Variants in NBAS observed in about 807,000 individuals in gnomAD.
NBAS encodes NAG/BC035112 fusion.
In NBAS, 219 loss-of-function variants were observed where a neutral mutation model predicts 302.5. The observed-to-expected ratio is 0.72, with a 90% CI of 0.65 to 0.81. The LOEUF (loss-of-function observed/expected upper bound fraction) is 0.81, where lower values mean the gene tolerates loss of function less well. Among genes scored for constraint, NBAS ranks in the 30% least tolerant of loss-of-function variants. The probability of loss-of-function intolerance (pLI) is 0.00; values close to 1 mark genes in which losing one functional copy is unlikely to be tolerated. For missense variants in NBAS, 2,932 were observed against 2,841.6 expected, an observed-to-expected ratio of 1.03 and a Z score of -0.72; for synonymous variants, 1,118 against 1,021.6, an observed-to-expected ratio of 1.09 and a Z score of -1.80.
At chr2:15,262,750 G>A (rs994872629) in intron 44 of NBAS, among the ~76,000 whole-genome samples, 1 of 152,100 alleles carries the variant, frequency 6.6e-6, no homozygotes, top group Non-Finnish European at 1.5e-5. Context: ...CTCCTCATGA[G>A]AATTTTTAAT....
intron 45 of NBAS, among the ~76,000 whole-genome samples, chr2:15,238,253 A>G (rs1667695294): frequency 6.6e-6 from 1 of 151,994 alleles, no homozygotes; most frequent in South Asian, 2.1e-4. Flanking sequence ...CCCCATATCA[A>G]CGGTGCCAAG....
chr2:15,138,928 G>C, the NBAS span, among the ~76,000 whole-genome samples: 1 of 152,190 alleles, frequency 6.6e-6, no homozygotes, highest in African/African-American at 2.4e-5. Flanking sequence ...AAAAGAGAAA[G>C]AGAGGGTAGT....
intron 8 of NBAS, 55 bp from the exon 9 acceptor site, chr2:15,534,696 A>G: frequency 8.3e-7 from 1 of 1,203,094 alleles, no homozygotes; most frequent in Admixed American, 1.7e-5. Context: ...AATGAATATC[A>G]CTAAATACCC....
intron 28 of NBAS, among the ~76,000 whole-genome samples, chr2:15,384,527 C>T (rs1675194229): frequency 6.7e-6 from 1 of 148,494 alleles, no homozygotes; most frequent in Admixed American, 6.7e-5. Context: ...TGAAAAGACC[C>T]CCCCCCCATT....
chr2:15,375,545 G>C (rs1413747222), intron 30 of NBAS, among the ~76,000 whole-genome samples: 22 of 152,146 alleles, frequency 1.4e-4, no homozygotes, highest in Admixed American at 1.4e-3. Context: ...CGTAAAACTG[G>C]AGGATTTAAA....
At chr2:15,292,860 C>A in intron 40 of NBAS, 94 bp from the exon 41 acceptor site, 3 of 1,210,704 alleles carry the variant, frequency 2.5e-6, no homozygotes, top group Non-Finnish European at 3.6e-6. Flanking sequence ...CTGCAAGGAA[C>A]TGTTTGGCCC....
the NBAS span, among the ~76,000 whole-genome samples, chr2:14,836,782 T>C: frequency 1.3e-5 from 2 of 151,832 alleles, no homozygotes; most frequent in African/African-American, 4.8e-5. Flanking sequence ...TAGGAAGAAT[T>C]GATAACTTTC....
intron 21 of NBAS, among the ~76,000 whole-genome samples, chr2:15,434,917 C>T (rs191623023): frequency 4.3e-4 from 66 of 152,266 alleles, no homozygotes; most frequent in Admixed American, 1.8e-3. Context: ...ATTCCACTCC[C>T]TATTCTGTAA....
At chr2:15,424,011 G>A (rs566742396) in intron 23 of NBAS, among the ~76,000 whole-genome samples, 2 of 152,240 alleles carry the variant, frequency 1.3e-5, no homozygotes, top group East Asian at 1.9e-4. Flanking sequence ...ATGTAGACAC[G>A]ATCTTTTAAA....
intron 35 of NBAS, among the ~76,000 whole-genome samples, chr2:15,348,404 T>C (rs1157357697): frequency 1.3e-5 from 2 of 152,150 alleles, no homozygotes; most frequent in East Asian, 1.9e-4. Flanking sequence ...TAGAGTAACA[T>C]GTGCCCACTT....
At chr2:15,127,328 C>A in the NBAS span, among the ~76,000 whole-genome samples, 2 of 152,256 alleles carry the variant, frequency 1.3e-5, no homozygotes, top group South Asian at 4.2e-4. Context: ...TTTTCCACCC[C>A]AAAGTTACAC....
chr2:15,536,352 A>C, intron 8 of NBAS, 66 bp downstream of exon 8: 1 of 1,554,822 alleles, frequency 6.4e-7, no homozygotes, highest in Non-Finnish European at 8.7e-7. Flanking sequence ...AAGAAATATC[A>C]AAATCTGACA....
At chr2:15,409,697 A>C (rs562007398) in intron 25 of NBAS, among the ~76,000 whole-genome samples, 1 of 152,104 alleles carries the variant, frequency 6.6e-6, no homozygotes, top group Non-Finnish European at 1.5e-5. Context: ...CTAAATATTT[A>C]AAATATTCAT....
At chr2:14,920,334 G>T in the NBAS span, among the ~76,000 whole-genome samples, 1 of 152,134 alleles carries the variant, frequency 6.6e-6, no homozygotes, top group African/African-American at 2.4e-5. Context: ...TGTCATCCAG[G>T]ATTTGTTGCC....
At chr2:15,334,355 A>G (rs1672483441) in intron 35 of NBAS, among the ~76,000 whole-genome samples, 1 of 151,890 alleles carries the variant, frequency 6.6e-6, no homozygotes, top group South Asian at 2.1e-4. Flanking sequence ...ACGCCCAGCT[A>G]ATTTTTGTAT....
At chr2:14,990,447 C>T in the NBAS span, among the ~76,000 whole-genome samples, 2 of 151,806 alleles carry the variant, frequency 1.3e-5, no homozygotes, top group Non-Finnish European at 2.9e-5. Context: ...GTTAAAACAG[C>T]AAGAATACTT....
chr2:15,075,887 T>G, the NBAS span, among the ~76,000 whole-genome samples: 1 of 152,220 alleles, frequency 6.6e-6, no homozygotes, highest in Non-Finnish European at 1.5e-5. Context: ...AAACAATGAA[T>G]GTTTTACATT....
intron 5 of NBAS, 57 bp from the exon 6 acceptor site, chr2:15,551,593 A>C: frequency 7.7e-7 from 1 of 1,298,788 alleles, no homozygotes; most frequent in South Asian, 1.3e-5. Flanking sequence ...ATAGAACCAT[A>C]AAATACCAGA....
At chr2:15,006,353 T>C in the NBAS span, among the ~76,000 whole-genome samples, 2 of 152,200 alleles carry the variant, frequency 1.3e-5, no homozygotes, top group African/African-American at 4.8e-5. Context: ...TATGGAATTT[T>C]TTATGAGAGT....
Sources: allele counts gnomAD v4.1 joint callset (sites outside exome capture counted in the v4.1 genomes callset), GRCh38; gene constraint gnomAD v4.1.1; transcripts MANE v1.5; gene names NCBI Gene and HGNC (gene_info 2026-07-23, HGNC 2026-07-21).